NALF1: variants seen among roughly 807,000 people sequenced by gnomAD.
NALF1 encodes family with sequence similarity 155 member A.
In NALF1, 3 loss-of-function variants were observed where a neutral mutation model predicts 48.4. The observed-to-expected ratio is 0.06, with a 90% confidence interval of 0.03 to 0.16. The LOEUF is 0.16. Ranked by LOEUF, NALF1 falls within the 10% of genes least tolerant of loss-of-function variation. The pLI, the probability that NALF1 is intolerant of heterozygous loss-of-function variation, is 1.00. For synonymous variants in NALF1, 262 were observed against 245.7 expected (o/e 1.07, Z -0.62); for missense variants, 526 against 571.5 (o/e 0.92, Z 0.81).
chr13:107,784,697 C>G (rs1305408355), intron 1 of NALF1, among the ~76,000 whole-genome samples: 1 of 151,872 alleles, frequency 6.6e-6, no homozygotes, highest in Non-Finnish European at 1.5e-5. Flanking sequence ...AACCACAATG[C>G]GATACCACCT....
intron 2 of NALF1, among the ~76,000 whole-genome samples, chr13:107,181,274 T>C (rs1257844214): frequency 2.0e-5 from 3 of 151,486 alleles, no homozygotes; most frequent in Non-Finnish European, 4.4e-5. Flanking sequence ...CAATATTGAA[T>C]TGAATGCCAC....
At chr13:107,778,677 G>T (rs1318389721) in intron 1 of NALF1, among the ~76,000 whole-genome samples, 2 of 152,132 alleles carry the variant, frequency 1.3e-5, no homozygotes, top group Non-Finnish European at 2.9e-5. Flanking sequence ...CAAATTTTCA[G>T]TGTGGACAGG....
At chr13:107,613,158 C>T (rs185819988) in intron 1 of NALF1, among the ~76,000 whole-genome samples, 26 of 152,270 alleles carry the variant, frequency 1.7e-4, no homozygotes. Flanking sequence ...GTTTTGTTTC[C>T]TGCTTGTTCT....
At position 107,730,482 on chromosome 13, in the gene NALF1, C is replaced by T. The variant is rs1876278957; in HGVS notation, c.915+135200G>A. 5.9e-5 allele frequency among the ~76,000 whole-genome samples: 9 copies of T among 152,140 alleles called. No individual in the cohort carries two copies. In the South Asian group the frequency reaches 1.9e-3, roughly 32 times the overall value. ...CTTGAGACTTTAATTTACTATAATG[C>T]TTTCCCTGTACTTCTGTGTTCATCG... On this transcript the variant is annotated intron_variant, in intron 1 of 2. Coordinates refer to ENST00000375915, the MANE Select transcript of NALF1 (RefSeq NM_001080396.3).
chr13:107,271,070 TATGA>T (rs1307122839), intron 1 of NALF1, among the ~76,000 whole-genome samples: 1 of 152,198 alleles, frequency 6.6e-6, no homozygotes, highest in Non-Finnish European at 1.5e-5. Context: ...ATTTCTTATG[TATGA>T]AATAATAATA....
At chr13:107,566,651 G>A (rs1877818155) in intron 1 of NALF1, among the ~76,000 whole-genome samples, 1 of 152,212 alleles carries the variant, frequency 6.6e-6, no homozygotes, top group South Asian at 2.1e-4. Context: ...TCTTCAGAAT[G>A]TGCTTTAAAT....
intron 1 of NALF1, among the ~76,000 whole-genome samples, chr13:107,426,262 T>A (rs1884279247): frequency 6.6e-6 from 1 of 152,168 alleles, no homozygotes; most frequent in Non-Finnish European, 1.5e-5. Flanking sequence ...CAAGATCAAG[T>A]TTTTGTTAGG....
intron 1 of NALF1, among the ~76,000 whole-genome samples, chr13:107,787,274 T>C (rs1259216003): frequency 6.6e-6 from 1 of 152,234 alleles, no homozygotes; most frequent in Non-Finnish European, 1.5e-5. Flanking sequence ...CTAATTTTTT[T>C]CAATAATCTA....
At chr13:107,820,305 T>G (rs1456145140) in intron 1 of NALF1, among the ~76,000 whole-genome samples, 1 of 152,248 alleles carries the variant, frequency 6.6e-6, no homozygotes, top group East Asian at 1.9e-4. Context: ...AAAGAAATTT[T>G]ATAGTCAGCT....
chr13:107,462,021 A>G lies in NALF1; in HGVS notation c.916-251266T>C, dbSNP rs193138552. ...AGGTAGTCCCTTATTTACCCGTTAC[A>G]TATTTTCCTTGGCTTTTCAAACATT... On this transcript the variant is annotated intron_variant, in intron 1 of 2. Transcript: ENST00000375915. Among the ~76,000 whole-genome samples the G allele has an allele frequency of 5.6e-4, 86 of 152,308 alleles. No individual in the cohort carries two copies. In the East Asian group the frequency reaches 0.016, roughly 28 times the overall value.
At chr13:107,853,484 AC>A (rs1880369339) in intron 1 of NALF1, among the ~76,000 whole-genome samples, 1 of 152,194 alleles carries the variant, frequency 6.6e-6, no homozygotes. Flanking sequence ...AAGCATTGTA[AC>A]CACTCCTGCA....
intron 1 of NALF1, among the ~76,000 whole-genome samples, chr13:107,398,295 T>C (rs1235362877): frequency 2.0e-5 from 3 of 151,854 alleles, no homozygotes; most frequent in Admixed American, 1.3e-4. Flanking sequence ...TTACAATGGA[T>C]TCAGAAAAAA....
intron 1 of NALF1, among the ~76,000 whole-genome samples, chr13:107,358,301 A>T (rs1048114919): frequency 6.6e-6 from 1 of 152,128 alleles, no homozygotes; most frequent in Non-Finnish European, 1.5e-5. Flanking sequence ...AAAATTACCC[A>T]ACCTCTCTGA....
intron 1 of NALF1, among the ~76,000 whole-genome samples, chr13:107,631,407 T>C (rs921416944): frequency 4.6e-5 from 7 of 152,192 alleles, no homozygotes; most frequent in African/African-American, 1.7e-4. Flanking sequence ...ATGAGTCATA[T>C]ATTTTAAATG....
chr13:107,782,910 C>T (rs1334477337), intron 1 of NALF1, among the ~76,000 whole-genome samples: 2 of 150,970 alleles, frequency 1.3e-5, no homozygotes, highest in Non-Finnish European at 3.0e-5. Context: ...CCGCCCCGTC[C>T]AGGAGGGAGG....
intron 1 of NALF1, among the ~76,000 whole-genome samples, chr13:107,799,998 A>T (rs2138595374): frequency 6.8e-6 from 1 of 147,126 alleles, no homozygotes; most frequent in Non-Finnish European, 1.5e-5. Context: ...AACAAGGATG[A>T]AGAAAAGGAA....
intron 1 of NALF1, among the ~76,000 whole-genome samples, chr13:107,431,761 T>C (rs564587768): frequency 5.3e-5 from 8 of 152,302 alleles, no homozygotes; most frequent in African/African-American, 1.9e-4. Context: ...TACCAGACTT[T>C]CTTAACAGGG....
At chr13:107,826,165 A>G (rs914506768) in intron 1 of NALF1, among the ~76,000 whole-genome samples, 3 of 152,242 alleles carry the variant, frequency 2.0e-5, no homozygotes, top group Admixed American at 6.5e-5. Flanking sequence ...CTGGAGAAGA[A>G]TATCTTAGAC....
chr13:107,776,875 G>A (rs911882094), intron 1 of NALF1, among the ~76,000 whole-genome samples: 8 of 152,152 alleles, frequency 5.3e-5, no homozygotes, highest in African/African-American at 1.9e-4. Flanking sequence ...AGGATCCCTT[G>A]AGACCAGGAA....
Sources: gnomAD v4.1 joint callset for allele counts (sites outside exome capture counted in the v4.1 genomes callset) on GRCh38, gnomAD v4.1.1 for gene constraint, MANE v1.5 for transcripts, NCBI Gene and HGNC (gene_info 2026-07-23, HGNC 2026-07-21) for gene names.